PGBD1: variants seen among roughly 807,000 people sequenced by gnomAD.
PGBD1 encodes piggyBac transposable element derived 1.
A neutral mutation model predicts 34.7 loss-of-function variants in PGBD1; 25 were observed. The ratio of observed to expected loss-of-function variants is 0.72; its 90% CI spans 0.52 to 1.00. The LOEUF (loss-of-function observed/expected upper bound fraction) is 1.00, where lower values mean the gene tolerates loss of function less well. PGBD1 is among the 50% of genes least tolerant of loss of function. PGBD1 has a pLI of 0.00. For missense variants in PGBD1, 830 were observed against 959.4 expected (o/e 0.87, Z 1.78); for synonymous variants, 292 against 335.7 (o/e 0.87, Z 1.42).
chr6:28,291,531 C>A, intron 4 of PGBD1, among the ~76,000 whole-genome samples: 1 of 144,050 alleles, frequency 6.9e-6, no homozygotes, highest in African/African-American at 2.7e-5. Flanking sequence ...GAACTAATAC[C>A]AATCCTATTC....
intron 4 of PGBD1, among the ~76,000 whole-genome samples, chr6:28,293,668 T>C (rs778372669): frequency 6.6e-6 from 1 of 152,234 alleles, no homozygotes; most frequent in Non-Finnish European, 1.5e-5. Context: ...GTCATGGTGA[T>C]CTGTGATCAG....
Position 28,302,119 on chromosome 6 carries a change from C to T in PGBD1, c.2265C>T (p.Ser755=), listed in dbSNP as rs766491927. Residue 755 remains serine, a synonymous_variant, in exon 7 of 7, where the codon AGC becomes AGT. Transcript: ENST00000682144. ...CGAAATACAGGGTGAGGATAAGAAG[C>T]AAGAAATGGTACTCAATTTTGGTGA... ...IISKYRVRIR[S]KKWYSILVSY... is the part of the protein sequence containing the mutation. 1.9e-5 allele frequency: 31 copies of T among 1,613,944 alleles called. No homozygotes were observed. The highest frequency in any genetic ancestry group is 2.5e-6 in the Non-Finnish European group (3 of 1,180,010).
In PGBD1 at chr6:28,281,895, C is replaced by G. The variant is rs1459715326; in HGVS notation, c.-62C>G. 3 of 152,824 alleles carry G rather than the reference C, an allele frequency of 2.0e-5. No individual in the cohort carries two copies. Among genetic ancestry groups the G allele is most frequent in the Non-Finnish European group, 4.4e-5 (3 of 68,550 alleles). 9.5% of individuals were successfully genotyped at this position (152,824 alleles called of 1,614,324 possible). On this transcript the variant is annotated 5_prime_UTR_variant, in exon 1 of 7. Coordinates refer to ENST00000682144, the MANE Select transcript of PGBD1 (RefSeq NM_032507.4). ...GCTTTACGTGCATTCGTGAAGAAGC[C>G]CATCAGTATTTCTTGAATACCAGGT...
chr6:28,302,359 C>T lies in PGBD1; in HGVS notation c.*75C>T. On this transcript the variant is annotated 3_prime_UTR_variant, in exon 7 of 7. Coordinates refer to ENST00000682144, the MANE Select transcript of PGBD1 (RefSeq NM_032507.4). ...ATAATTATACATGCTGTTGTACCCT[C>T]CCAAAGTAAATCTGATATATGTAAT... The T allele has an allele frequency of 1.4e-6, 2 of 1,408,184 alleles. No homozygotes were observed. The highest frequency in any genetic ancestry group is 2.3e-5 in the Admixed American group (1 of 43,888). 87.2% of individuals were successfully genotyped at this position (1,408,184 alleles called of 1,614,324 possible). A position where few individuals can be genotyped will look rare whatever the true frequency, so the allele number is the denominator to read the frequency against.
chr6:28,284,121 G>A lies in PGBD1; in HGVS notation c.308G>A (p.Cys103Tyr). The change falls in exon 2 of 7, where the codon TGT becomes TAT. Residue 103 changes from cysteine to tyrosine, a missense_variant. Around this residue, in one of 3 missense-constraint regions of PGBD1, gnomAD observed 457 missense variants for 515.4 expected, o/e 0.89. Transcript: ENST00000682144. ...LTILPKELQPCVKTYPLESGE... is the reference protein window; with the variant it reads ...LTILPKELQPYVKTYPLESGE... ...ATCCTGCCCAAGGAGCTCCAGCCCT[G>A]TGTGAAGACATATCCTCTGGAGAGT... 6.2e-7 allele frequency: 1 copy of A among 1,613,886 alleles called. No individual in the cohort carries two copies. Among genetic ancestry groups the A allele is most frequent in the Non-Finnish European group, 8.5e-7 (1 of 1,179,848 alleles).
In PGBD1 at chr6:28,284,181, A is replaced by G; in HGVS notation, c.368A>G (p.Glu123Gly). ...EEAVTVLENL[E>G]TGSGDTGQQA... ...GCAGTGACAGTGCTGGAGAATCTAGAGACAGGAAGTGGAGACACAGGACAA... is the reference window on the plus strand; with the variant it reads ...GCAGTGACAGTGCTGGAGAATCTAGGGACAGGAAGTGGAGACACAGGACAA... Residue 123 changes from glutamate to glycine, a missense_variant, in exon 2 of 7, where the codon GAG becomes GGG. This residue lies in a region of PGBD1 where 457 missense variants were observed against 515.4 expected (regional missense o/e 0.89). Transcript: ENST00000682144. 1 of 1,569,366 alleles carries G rather than the reference A, an allele frequency of 6.4e-7. No homozygotes were observed. Among genetic ancestry groups the G allele is most frequent in the Non-Finnish European group, 8.7e-7 (1 of 1,155,322 alleles).
chr6:28,283,719 A>G, intron 1 of PGBD1, 57 bp from the exon 2 acceptor site: 1 of 1,444,660 alleles, frequency 6.9e-7, no homozygotes, highest in Non-Finnish European at 9.2e-7. Context: ...TGAAGCTCTT[A>G]TAATTTGCAT....
At chr6:28,286,782 T>A (rs1476660443) in intron 3 of PGBD1, among the ~76,000 whole-genome samples, 1 of 152,122 alleles carries the variant, frequency 6.6e-6, no homozygotes, top group Non-Finnish European at 1.5e-5. Context: ...CTTCCTCCCC[T>A]TTATTTTTGT....
rs547609959 is a variant in PGBD1, at chr6:28,285,792, A to C, written c.553+85A>C. ...CCTTCTTGACCTCAAGTTTGTATAC[A>C]TTGTGAAATGATTACCACAAGCTAA... On this transcript the variant is annotated intron_variant, in intron 3 of 6. Transcript: ENST00000682144. The C allele has an allele frequency of 5.5e-5, 76 of 1,376,994 alleles. No individual in the cohort carries two copies. In the Middle Eastern group the frequency reaches 7.9e-4, roughly 14 times the overall value. 85.3% of individuals were successfully genotyped at this position (1,376,994 alleles called of 1,614,324 possible).
At position 28,302,075 on chromosome 6, in the gene PGBD1, A is replaced by G. The variant is rs745343126; in HGVS notation, c.2221A>G (p.Lys741Glu). 4 of 1,614,030 alleles carry G rather than the reference A, an allele frequency of 2.5e-6. No individual in the cohort carries two copies. In the African/African-American group the frequency reaches 5.3e-5, roughly 22 times the overall value. ...VYDECKEGVA[K>E]MDQIISKYRV... Reference sequence around the variant, plus strand: ...TGATGAATGCAAGGAAGGTGTAGCTAAAATGGATCAAATTATTTCGAAATA... The same window carrying G: ...TGATGAATGCAAGGAAGGTGTAGCTGAAATGGATCAAATTATTTCGAAATA... The change falls in exon 7 of 7, where the codon AAA becomes GAA. Residue 741 changes from lysine (K) to glutamate (E), a missense_variant. Around this residue, in one of 3 missense-constraint regions of PGBD1, gnomAD observed 372 missense variants for 427.9 expected, o/e 0.87. Coordinates refer to ENST00000682144, the MANE Select transcript of PGBD1 (RefSeq NM_032507.4).
Position 28,297,907 on chromosome 6 carries a change from T to A in PGBD1, c.785T>A (p.Val262Glu), listed in dbSNP as rs747456796. ...TGTTATATTTTAGCTGAAGAAATTGTAACTAAAGATAGATTGTTTAAAGCA... is the reference window on the plus strand; with the variant it reads ...TGTTATATTTTAGCTGAAGAAATTGAAACTAAAGATAGATTGTTTAAAGCA... ...MSLSPMTEEIVTKDRLFKAKQ... is the reference protein window; with the variant it reads ...MSLSPMTEEIETKDRLFKAKQ... The change falls in exon 6 of 7, where the codon GTA becomes GAA. Residue 262 changes from valine to glutamate, a missense_variant. By Grantham distance (121) the Val-to-Glu change is moderately radical. Coordinates refer to ENST00000682144, the MANE Select transcript of PGBD1 (RefSeq NM_032507.4). 2.0e-6 allele frequency: 3 copies of A among 1,515,340 alleles called. No homozygotes were observed. Among genetic ancestry groups the A allele is most frequent in the Non-Finnish European group, 2.7e-6 (3 of 1,111,972 alleles). The allele number at this position is 1,515,340 out of a possible 1,614,324, so 93.9% of individuals were successfully genotyped here.
At chr6:28,284,279 T>C (rs2113741362) in intron 2 of PGBD1, 70 bp downstream of exon 2, 1 of 1,414,948 alleles carries the variant, frequency 7.1e-7, no homozygotes, top group East Asian at 2.4e-5. Flanking sequence ...TTTTTAACGT[T>C]TTATTTTGAA....
chr6:28,290,396 G>A (rs1056068798), intron 4 of PGBD1, among the ~76,000 whole-genome samples: 10 of 152,052 alleles, frequency 6.6e-5, no homozygotes, highest in Admixed American at 3.9e-4. Flanking sequence ...ATGCCCGGCT[G>A]TATATAACAA....
intron 4 of PGBD1, among the ~76,000 whole-genome samples, chr6:28,289,186 T>C (rs1027972448): frequency 6.6e-6 from 1 of 151,856 alleles, no homozygotes; most frequent in Non-Finnish European, 1.5e-5. Flanking sequence ...AAAGAGAGGA[T>C]CTGAAAAGCA....
intron 2 of PGBD1, among the ~76,000 whole-genome samples, 167 bp downstream of exon 2, chr6:28,284,376 T>G (rs1762221367): frequency 6.6e-6 from 1 of 152,114 alleles, no homozygotes; most frequent in South Asian, 2.1e-4. Context: ...AACATTTGTT[T>G]GATGAAGTCC....
rs145687745 is a variant in PGBD1 at position 28,283,818 on chromosome 6, A to G, written c.5A>G (p.Tyr2Cys). 43 of 1,593,332 alleles carry G rather than the reference A, an allele frequency of 2.7e-5. No individual in the cohort carries two copies. Among genetic ancestry groups the G allele is most frequent in the Non-Finnish European group, 3.3e-5 (39 of 1,166,820 alleles). M[Y>C]EALPGPAPEN... ...GCTTTAGCCTCTAAGCTCAACATGT[A>G]TGAAGCTTTGCCAGGCCCTGCTCCT... The change falls in exon 2 of 7, where the codon TAT becomes TGT. Residue 2 changes from tyrosine to cysteine, a missense_variant. This residue lies in a region of PGBD1 where 457 missense variants were observed against 515.4 expected (regional missense o/e 0.89). Coordinates refer to ENST00000682144, the MANE Select transcript of PGBD1 (RefSeq NM_032507.4).
intron 6 of PGBD1, among the ~76,000 whole-genome samples, chr6:28,299,936 G>A (rs1762773269): frequency 6.6e-6 from 1 of 151,834 alleles, no homozygotes; most frequent in South Asian, 2.1e-4. Flanking sequence ...GGGAGGCAGA[G>A]GTGGCAGTGA....
chr6:28,287,042 C>G (rs1302825625), intron 3 of PGBD1, 38 bp from the exon 4 acceptor site: 9 of 1,516,996 alleles, frequency 5.9e-6, no homozygotes, highest in Non-Finnish European at 8.2e-6. Context: ...TAAAGGCCAT[C>G]ATGTCTCATT....
intron 4 of PGBD1, among the ~76,000 whole-genome samples, chr6:28,292,430 AT>A (rs753410828): frequency 6.6e-6 from 1 of 152,008 alleles, no homozygotes; most frequent in African/African-American, 2.4e-5. Flanking sequence ...GGCATTTTAT[AT>A]TTTTTAGTAT....
Sources: gnomAD v4.1 joint callset for allele counts (sites outside exome capture counted in the v4.1 genomes callset) on GRCh38, gnomAD v4.1.1 for gene constraint, gnomAD v4.1.1 regional missense constraint, MANE v1.5 for transcripts, NCBI Gene and HGNC (gene_info 2026-07-23, HGNC 2026-07-21) for gene names.